Variants in NCOR2 observed in about 807,000 individuals in gnomAD.
NCOR2 encodes CTG repeat protein 26.
In NCOR2, 81 loss-of-function variants were observed where a neutral mutation model predicts 262.9. The ratio of observed to expected loss-of-function variants is 0.31; its 90% CI spans 0.26 to 0.37. The LOEUF is 0.37. Ranked by LOEUF, NCOR2 falls within the 10% of genes least tolerant of loss-of-function variation. The probability of loss-of-function intolerance (pLI) is 1.00; values close to 1 mark genes in which losing one functional copy is unlikely to be tolerated. For missense variants in NCOR2, 3,385 were observed against 3,621.4 expected, an observed-to-expected ratio of 0.93 and a Z score of 1.68; for synonymous variants, 1,659 against 1,559.3, an observed-to-expected ratio of 1.06 and a Z score of -1.51.
At chr12:124,333,765 TG>T (rs1375479737) in intron 41 of NCOR2, among the ~76,000 whole-genome samples, 1 of 149,974 alleles carries the variant, frequency 6.7e-6, no homozygotes, top group Non-Finnish European at 1.5e-5. Context: ...AGGGTGGGGG[TG>T]GGGGCGGGGG....
intron 31 of NCOR2, among the ~76,000 whole-genome samples, chr12:124,346,120 CCT>C (rs2135855962): frequency 6.6e-6 from 1 of 152,288 alleles, no homozygotes; most frequent in East Asian, 1.9e-4. Context: ...AGTCGTTGAA[CCT>C]CTCTGAACCT....
intron 1 of NCOR2, among the ~76,000 whole-genome samples, chr12:124,515,710 TGTGTGTATG>T (rs2049716677): frequency 6.6e-6 from 1 of 150,896 alleles, no homozygotes; most frequent in Non-Finnish European, 1.5e-5. Context: ...TTCGTGTGAC[TGTGTGTATG>T]GTGTGTATGT....
In NCOR2 at chr12:124,402,724, G is replaced by T. The variant is rs2042050213; in HGVS notation, c.1483-163C>A. 2.0e-5 allele frequency among the ~76,000 whole-genome samples: 3 copies of T among 152,166 alleles called. No individual in the cohort carries two copies. In the South Asian group the frequency reaches 6.2e-4, roughly 32 times the overall value. The stretch of plus-strand genomic sequence containing the variant: ...ACAACCGGGAAGCCAGGCCCCACTG[G>T]CATGAGATGGGGAGAGGCACGGCCT... On this transcript the variant is annotated intron_variant, in intron 13 of 46. Coordinates refer to ENST00000405201, the Ensembl canonical transcript of NCOR2.
chr12:124,372,159 C>T (rs780909563), exon 20 of NCOR2: 6 of 1,601,178 alleles, frequency 3.7e-6, no homozygotes, highest in African/African-American at 1.3e-5. Context: ...CTGCCTTGAG[C>T]GCCCCCTCGG....
intron 3 of NCOR2, among the ~76,000 whole-genome samples, chr12:124,479,716 A>G (rs1481959193): frequency 3.3e-5 from 5 of 152,242 alleles, no homozygotes; most frequent in Non-Finnish European, 7.3e-5. Context: ...AAAACAAAAG[A>G]GGAGAAAGCA....
chr12:124,382,271 G>C (rs577378703), intron 17 of NCOR2, among the ~76,000 whole-genome samples: 1 of 152,206 alleles, frequency 6.6e-6, no homozygotes, highest in Non-Finnish European at 1.5e-5. Context: ...CACCAAGAAC[G>C]GCTACTGTCA....
Position 124,482,700 on chromosome 12 carries a change from ATAAG to A in NCOR2, c.411+892_411+895del, listed in dbSNP as rs1396712286. Among the ~76,000 whole-genome samples, 1 of 152,116 alleles carries A rather than the reference ATAAG, an allele frequency of 6.6e-6. No individual in the cohort carries two copies. Among genetic ancestry groups the A allele is most frequent in the Admixed American group, 6.5e-5 (1 of 15,278 alleles). On this transcript the variant is annotated intron_variant, in intron 3 of 46. Coordinates refer to ENST00000405201, the Ensembl canonical transcript of NCOR2. The surrounding 1 kb of genome is among the most constrained non-coding windows in gnomAD (Gnocchi z 6.3). ...GGGCAGATGGACGGAGGGCCCTGGG[ATAAG>A]TGAGTGTGCCCAGGTGAGGCCTGGG...
chr12:124,461,764 C>T (rs1042185859), intron 5 of NCOR2, among the ~76,000 whole-genome samples: 1 of 152,252 alleles, frequency 6.6e-6, no homozygotes, highest in Non-Finnish European at 1.5e-5. Flanking sequence ...CGTATGCACA[C>T]AGGTGCACAG....
chr12:124,475,465 G>A (rs1378773628), intron 3 of NCOR2, among the ~76,000 whole-genome samples: 2 of 152,212 alleles, frequency 1.3e-5, no homozygotes, highest in African/African-American at 2.4e-5. Flanking sequence ...GCCAGAGGCC[G>A]GCACTTTCCT....
chr12:124,560,542 C>T (rs113422810), intron 1 of NCOR2, among the ~76,000 whole-genome samples: 1,606 of 152,360 alleles, frequency 0.011, 28 homozygotes, highest in African/African-American at 0.036. Context: ...TTTCTACGTT[C>T]CACAATCGGC....
chr12:124,476,854 C>G (rs2047126805), intron 3 of NCOR2, among the ~76,000 whole-genome samples: 1 of 150,678 alleles, frequency 6.6e-6, no homozygotes, highest in South Asian at 2.1e-4. Context: ...TTGCTTGAGC[C>G]CAGGAGTTCA....
rs188485693 is a variant in NCOR2 at position 124,430,811 on chromosome 12, C to T, written c.883-24G>A. The T allele has an allele frequency of 2.1e-3, 3,278 of 1,580,640 alleles. 12 individuals carry two copies. Among genetic ancestry groups the T allele is most frequent in the Middle Eastern group, 4.7e-3 (28 of 5,904 alleles). ...TCCTGGGAGAGCGCAGGGGGCACTG[C>T]GGAAGATGCTCCTGCACCTGGCACC... On this transcript the variant is annotated intron_variant, in intron 8 of 46. Transcript: ENST00000405201.
intron 7 of NCOR2, among the ~76,000 whole-genome samples, chr12:124,441,564 G>T (rs1370200582): frequency 6.6e-6 from 1 of 152,242 alleles, no homozygotes; most frequent in Non-Finnish European, 1.5e-5. Flanking sequence ...AAGATCCGGG[G>T]ATGAATGCTA....
chr12:124,357,819 C>T lies in NCOR2; in HGVS notation c.3101-1037G>A, dbSNP rs867094185. ...GTGTGTGTGTGTGTGCGCGCACGCG[C>T]GTGCACGTGTATGTGCATGTGTGTG... On this transcript the variant is annotated intron_variant, in intron 22 of 46. Coordinates refer to ENST00000405201, the Ensembl canonical transcript of NCOR2. Among the ~76,000 whole-genome samples, 25 of 132,698 alleles carry T rather than the reference C, an allele frequency of 1.9e-4. 1 individual carries two copies. Among genetic ancestry groups the T allele is most frequent in the African/African-American group, 6.2e-4 (22 of 35,718 alleles). The allele number at this position is 132,698 out of a possible 152,430, so 87.1% of individuals were successfully genotyped here.
chr12:124,335,424 G>A lies in NCOR2; in HGVS notation c.6265+59C>T, dbSNP rs115954446. 2,646 of 1,562,636 alleles carry A rather than the reference G, an allele frequency of 1.7e-3. 33 individuals are homozygous for A. In the African/African-American group the frequency reaches 0.031, roughly 19 times the overall value. The stretch of plus-strand genomic sequence containing the variant: ...CTCTGTTTTCCTATCTGCATGATGG[G>A]GCCTTGAGGGTCCTCACTGTGCAGG... On this transcript the variant is annotated intron_variant, in intron 39 of 46. Coordinates refer to ENST00000405201, the Ensembl canonical transcript of NCOR2.
chr12:124,376,904 CAG>C (rs1164104642), intron 18 of NCOR2, among the ~76,000 whole-genome samples: 2 of 152,218 alleles, frequency 1.3e-5, no homozygotes, highest in Admixed American at 6.5e-5. Context: ...GTTTCTCCTT[CAG>C]AGAGTCAGAA....
rs752583251 is a variant in NCOR2 at position 124,356,625 on chromosome 12, C to T, written c.3241+17G>A. 5.1e-5 allele frequency: 72 copies of T among 1,424,484 alleles called. No homozygotes were observed. The highest frequency in any genetic ancestry group is 6.0e-5 in the Non-Finnish European group (65 of 1,089,510). 88.2% of individuals were successfully genotyped at this position (1,424,484 alleles called of 1,614,324 possible). Reference sequence around the variant, plus strand: ...TGCACTGGCTGAAGAAGCCCAAGCTCGGGCGGAGCTACTTACCAGGTGGAG... The same window carrying T: ...TGCACTGGCTGAAGAAGCCCAAGCTTGGGCGGAGCTACTTACCAGGTGGAG... On this transcript the variant is annotated intron_variant, in intron 23 of 46. Transcript: ENST00000405201.
intron 22 of NCOR2, among the ~76,000 whole-genome samples, 198 bp downstream of exon 24, chr12:124,361,928 A>G (rs969046133): frequency 1.3e-5 from 2 of 152,224 alleles, no homozygotes; most frequent in Admixed American, 6.5e-5. Context: ...CACTTTAGAG[A>G]AAACAAGAGT....
At chr12:124,337,091 T>G in exon 38 of NCOR2, 1 of 1,510,776 alleles carries the variant, frequency 6.6e-7, no homozygotes, top group Non-Finnish European at 8.9e-7. Context: ...GAGGGTAGGG[T>G]AGACCCCATC....
Sources: allele counts gnomAD v4.1 joint callset (sites outside exome capture counted in the v4.1 genomes callset), GRCh38; gene constraint gnomAD v4.1.1; non-coding constraint Gnocchi (gnomAD v3.1); transcripts MANE v1.5; gene names NCBI Gene and HGNC (gene_info 2026-07-23, HGNC 2026-07-21).